SLC67A1: variants seen among roughly 807,000 people sequenced by gnomAD.
SLC67A1 encodes the protein solute carrier family 67 member 1.
the SLC67A1 span, chr11:2,903,416 C>T: frequency 1.3e-5 from 21 of 1,613,054 alleles, no homozygotes; most frequent in African/African-American, 5.3e-5. Flanking sequence ...GGCCGGTCCT[C>T]GGTCATCTTG....
the SLC67A1 span, chr11:2,909,637 C>G: frequency 3.9e-6 from 6 of 1,534,680 alleles, no homozygotes; most frequent in Non-Finnish European, 5.2e-6. Context: ...GGCCCTGGGC[C>G]GGCTGGGCCT....
At chr11:2,909,674 G>A in the SLC67A1 span, 4 of 1,542,092 alleles carry the variant, frequency 2.6e-6, no homozygotes, top group African/African-American at 5.5e-5. Context: ...GTCATCCTCG[G>A]CTCCCTGCTG....
At chr11:2,909,257 C>T in the SLC67A1 span, 4 of 1,537,354 alleles carry the variant, frequency 2.6e-6, no homozygotes, top group Non-Finnish European at 3.5e-6. Flanking sequence ...TGCCTTGGCG[C>T]TCTACCTGCT....
At chr11:2,922,632 C>T in the SLC67A1 span, 1 of 643,944 alleles carries the variant, frequency 1.6e-6, no homozygotes, top group African/African-American at 2.2e-5. Flanking sequence ...GGGTGGGCAG[C>T]CTAGGGTCTG....
chr11:2,908,789 C>T, the SLC67A1 span, among the ~76,000 whole-genome samples: 1 of 152,196 alleles, frequency 6.6e-6, no homozygotes, highest in African/African-American at 2.4e-5. Context: ...AAGGGTTCCG[C>T]AGGCAGCAGA....
At chr11:2,905,576 T>C in the SLC67A1 span, among the ~76,000 whole-genome samples, 1,519 of 152,332 alleles carry the variant, frequency 1.0e-2, 16 homozygotes, top group Non-Finnish European at 0.014. Context: ...CAGTCTGTCA[T>C]TGATGGACAT....
chr11:2,919,399 C>T, the SLC67A1 span: 1 of 1,613,310 alleles, frequency 6.2e-7, no homozygotes, highest in African/African-American at 1.3e-5. Flanking sequence ...CTTCGGGCTC[C>T]TCCAGATGGT....
the SLC67A1 span, among the ~76,000 whole-genome samples, chr11:2,912,898 C>T: frequency 4.9e-3 from 753 of 152,292 alleles, 3 homozygotes; most frequent in African/African-American, 0.017. Flanking sequence ...AGGGCCATGC[C>T]GGTGCCATGG....
the SLC67A1 span, chr11:2,922,067 C>G: frequency 6.6e-7 from 1 of 1,516,984 alleles, no homozygotes; most frequent in Non-Finnish European, 9.2e-7. Context: ...CTCGCCTCCC[C>G]CATACCCACT....
the SLC67A1 span, among the ~76,000 whole-genome samples, chr11:2,905,321 GGGA>G: frequency 6.6e-6 from 1 of 152,266 alleles, no homozygotes; most frequent in East Asian, 1.9e-4. Context: ...TCGTGGAGGA[GGGA>G]AGAAGCCACG....
At chr11:2,924,374 G>A in the SLC67A1 span, among the ~76,000 whole-genome samples, 3 of 152,150 alleles carry the variant, frequency 2.0e-5, no homozygotes, top group Admixed American at 6.5e-5. This position sits in a 1 kb window ranked among gnomAD's most constrained non-coding sequence, Gnocchi z 8.6. Context: ...TAGGAGCTCC[G>A]CAGGGTGGGG....
the SLC67A1 span, chr11:2,915,050 C>T: frequency 1.0e-6 from 1 of 985,406 alleles, no homozygotes; most frequent in Admixed American, 6.1e-5. Flanking sequence ...CTGCAGGAGT[C>T]GGAGCTGCCC....
chr11:2,904,044 T>C, the SLC67A1 span, among the ~76,000 whole-genome samples: 3 of 152,248 alleles, frequency 2.0e-5, no homozygotes, highest in African/African-American at 7.2e-5. Flanking sequence ...AAACATTTCA[T>C]TGGCAAATTC....
chr11:2,903,532 A>G, the SLC67A1 span: 1 of 1,606,068 alleles, frequency 6.2e-7, no homozygotes, highest in Non-Finnish European at 8.5e-7. Context: ...GCCAGGGCTG[A>G]ACCGCTGTTC....
the SLC67A1 span, among the ~76,000 whole-genome samples, chr11:2,906,756 C>T: frequency 6.6e-6 from 1 of 151,738 alleles, no homozygotes; most frequent in East Asian, 1.9e-4. Flanking sequence ...AAGAGAAATA[C>T]CTAATGTAAA....
At chr11:2,920,790 A>C in the SLC67A1 span, 1 of 152,214 alleles carries the variant, frequency 6.6e-6, no homozygotes, top group Non-Finnish European at 1.5e-5. Context: ...TTTTAAACTT[A>C]ATGGGCAAAC....
chr11:2,910,710 T>C, the SLC67A1 span, among the ~76,000 whole-genome samples: 2 of 151,426 alleles, frequency 1.3e-5, no homozygotes, highest in Admixed American at 6.6e-5. Context: ...AAGCAGAGGG[T>C]AGATTCTGGC....
At chr11:2,903,678 A>C in the SLC67A1 span, 1 of 638,784 alleles carries the variant, frequency 1.6e-6, no homozygotes, top group South Asian at 1.9e-5. Flanking sequence ...CCGTCAGCAC[A>C]TCCTGTGCTC....
the SLC67A1 span, among the ~76,000 whole-genome samples, chr11:2,913,331 G>C: frequency 6.6e-6 from 1 of 152,192 alleles, no homozygotes; most frequent in Non-Finnish European, 1.5e-5. Context: ...CTGTCCCTCA[G>C]GACAGCCCTG....
Sources: allele counts gnomAD v4.1 joint callset (sites outside exome capture counted in the v4.1 genomes callset), GRCh38; gene constraint gnomAD v4.1.1; non-coding constraint Gnocchi (gnomAD v3.1); transcripts MANE v1.5; gene names NCBI Gene and HGNC (gene_info 2026-07-23, HGNC 2026-07-21).